Variants in ALK observed in about 807,000 individuals in gnomAD.
ALK encodes the protein ALK tyrosine kinase receptor.
Under a neutral mutation model 163.1 loss-of-function variants are expected in ALK, and 74 were observed. The observed-to-expected ratio is 0.45, with a 90% CI of 0.38 to 0.55. The LOEUF (loss-of-function observed/expected upper bound fraction) is 0.55, where lower values mean the gene tolerates loss of function less well. Among genes scored for constraint, ALK ranks in the 20% least tolerant of loss-of-function variants. The probability of loss-of-function intolerance (pLI) is 0.00; values close to 1 mark genes in which losing one functional copy is unlikely to be tolerated. For synonymous variants in ALK, 960 were observed against 843.2 expected (o/e 1.14, Z -2.40); for missense variants, 2,063 against 2,105.3 (o/e 0.98, Z 0.39).
intron 4 of ALK, among the ~76,000 whole-genome samples, chr2:29,511,309 G>A (rs76604809): frequency 2.0e-5 from 3 of 152,058 alleles, no homozygotes; most frequent in African/African-American, 7.2e-5. Flanking sequence ...TGCTTCCTGG[G>A]GAACCACTGC....
intron 1 of ALK, among the ~76,000 whole-genome samples, chr2:29,730,094 G>T (rs547847296): frequency 8.5e-5 from 13 of 152,318 alleles, no homozygotes; most frequent in African/African-American, 3.1e-4. Flanking sequence ...TGAAATTATG[G>T]CAACTCGGGA....
intron 2 of ALK, among the ~76,000 whole-genome samples, chr2:29,700,721 T>C (rs960282681): frequency 6.6e-6 from 1 of 152,226 alleles, no homozygotes; most frequent in African/African-American, 2.4e-5. Flanking sequence ...ACTGAATTCA[T>C]TAACAATTAG....
At position 29,227,635 on chromosome 2, in the gene ALK, A is replaced by G. The variant is rs201222888; in HGVS notation, c.2853T>C (p.Asp951=). ...NAASNNDPEM[D]GEDGVSFISP... Reference sequence around the variant, plus strand: ...TGATGAAGGAAACCCCATCTTCCCCATCCATTTCGGGGTCATTGTTTGAGG... The same window carrying G: ...TGATGAAGGAAACCCCATCTTCCCCGTCCATTTCGGGGTCATTGTTTGAGG... The change falls in exon 17 of 29, where the codon GAT becomes GAC. Residue 951 remains aspartate (D), a synonymous_variant. Transcript: ENST00000389048. The surrounding 1 kb of genome is among the most constrained non-coding windows in gnomAD (Gnocchi z 4.4). The G allele has an allele frequency of 1.9e-5, 30 of 1,614,032 alleles. No individual in the cohort carries two copies. Among genetic ancestry groups the G allele is most frequent in the Non-Finnish European group, 2.5e-5 (30 of 1,180,030 alleles).
rs117790488 is a variant in ALK, at chr2:29,701,486, G to A, written c.788-6472C>T. On this transcript the variant is annotated intron_variant, in intron 2 of 28. Transcript: ENST00000389048. ...ACCGTGAGCTTTGGAAGCAAATACT[G>A]CAGAATGAAAGGAAGAGTCATAAAA... 1.3e-3 allele frequency among the ~76,000 whole-genome samples: 200 copies of A among 152,264 alleles called. 4 individuals are homozygous for A. In the East Asian group the frequency reaches 0.035, roughly 27 times the overall value.
intron 3 of ALK, among the ~76,000 whole-genome samples, chr2:29,625,573 T>C (rs1676169306): frequency 6.6e-6 from 1 of 152,198 alleles, no homozygotes; most frequent in Non-Finnish European, 1.5e-5. Context: ...ATGTGTCCCT[T>C]AATGAAGGGG....
At chr2:29,915,821 T>C (rs2148440213) in intron 1 of ALK, among the ~76,000 whole-genome samples, 1 of 152,324 alleles carries the variant, frequency 6.6e-6, no homozygotes, top group East Asian at 1.9e-4. Context: ...AATTCTCTGG[T>C]GATTGTGCCT....
At chr2:29,686,139 G>A (rs1020048454) in intron 3 of ALK, among the ~76,000 whole-genome samples, 1 of 152,178 alleles carries the variant, frequency 6.6e-6, no homozygotes, top group Non-Finnish European at 1.5e-5. Context: ...GGGGCATCTT[G>A]TTGGGGGCTG....
chr2:29,541,657 C>A (rs1673416692), intron 3 of ALK, among the ~76,000 whole-genome samples: 1 of 152,164 alleles, frequency 6.6e-6, no homozygotes, highest in South Asian at 2.1e-4. Context: ...TTACCCCAAA[C>A]TATATCTATT....
chr2:29,764,476 C>A (rs1680802069), intron 1 of ALK, among the ~76,000 whole-genome samples: 1 of 152,168 alleles, frequency 6.6e-6, no homozygotes, highest in African/African-American at 2.4e-5. Context: ...AGTTCTTCAA[C>A]ATTTACCGGC....
intron 1 of ALK, among the ~76,000 whole-genome samples, chr2:29,860,781 C>A (rs969863086): frequency 6.6e-6 from 1 of 151,880 alleles, no homozygotes; most frequent in African/African-American, 2.4e-5. Flanking sequence ...ACCAATGAGT[C>A]AAAGAGAAAT....
intron 3 of ALK, among the ~76,000 whole-genome samples, chr2:29,685,999 C>T (rs1193462259): frequency 1.3e-5 from 2 of 152,182 alleles, no homozygotes; most frequent in African/African-American, 4.8e-5. Flanking sequence ...GACACTGACT[C>T]TCCTGCCTCC....
chr2:29,420,903 G>A (rs1359193353), intron 4 of ALK, among the ~76,000 whole-genome samples: 4 of 151,496 alleles, frequency 2.6e-5, no homozygotes, highest in African/African-American at 9.8e-5. Flanking sequence ...ACTTTTGCTC[G>A]ACATAGCTTG....
intron 1 of ALK, among the ~76,000 whole-genome samples, chr2:29,753,993 T>C (rs537147619): frequency 7.9e-5 from 12 of 151,816 alleles, no homozygotes; most frequent in African/African-American, 2.4e-4. Context: ...ATTTGCTCCC[T>C]CTCCCACCGA....
chr2:29,227,441 A>T lies in ALK; in HGVS notation c.2914+133T>A, dbSNP rs1664038762. On this transcript the variant is annotated intron_variant, in intron 17 of 28. Coordinates refer to ENST00000389048, the MANE Select transcript of ALK (RefSeq NM_004304.5). This position sits in a 1 kb window ranked among gnomAD's most constrained non-coding sequence, Gnocchi z 4.4. ...TCTGGAAAATGTGGTGACCTGCGCC[A>T]TAGGAAGCTTGCCTGCCAGGGACCC... 10 of 850,508 alleles carry T rather than the reference A, an allele frequency of 1.2e-5. No individual in the cohort carries two copies. The highest frequency in any genetic ancestry group is 2.0e-5 in the Non-Finnish European group (10 of 489,384). The allele number at this position is 850,508 out of a possible 1,614,324, so 52.7% of individuals were successfully genotyped here.
intron 1 of ALK, among the ~76,000 whole-genome samples, chr2:29,786,589 G>C (rs1238580313): frequency 6.6e-6 from 1 of 152,212 alleles, no homozygotes; most frequent in Admixed American, 6.5e-5. Context: ...AGCACCAATT[G>C]TGTACTGTGC....
At chr2:29,547,484 G>C (rs1293489397) in intron 3 of ALK, among the ~76,000 whole-genome samples, 2 of 152,054 alleles carry the variant, frequency 1.3e-5, no homozygotes, top group African/African-American at 4.8e-5. Flanking sequence ...GTAGTCCTAG[G>C]TACTCAGGAG....
intron 1 of ALK, among the ~76,000 whole-genome samples, chr2:29,886,528 T>C (rs4666286): frequency 0.77 from 117,029 of 152,204 alleles, 45,108 homozygotes; most frequent in East Asian, 0.79. Flanking sequence ...CTCAGGCCTA[T>C]GGCCCCAGCC....
intron 9 of ALK, among the ~76,000 whole-genome samples, chr2:29,289,296 C>T (rs76878673): frequency 0.013 from 1,937 of 152,310 alleles, 41 homozygotes; most frequent in African/African-American, 0.044. Context: ...GCCAGGGACT[C>T]TGCTCCCACG....
At chr2:29,404,856 G>A (rs1669542378) in intron 4 of ALK, among the ~76,000 whole-genome samples, 1 of 152,182 alleles carries the variant, frequency 6.6e-6, no homozygotes, top group African/African-American at 2.4e-5. Flanking sequence ...TTCCAGGTAG[G>A]TATCATGCCA....
Sources: gnomAD v4.1 joint callset for allele counts (sites outside exome capture counted in the v4.1 genomes callset) on GRCh38, gnomAD v4.1.1 for gene constraint, Gnocchi (gnomAD v3.1) non-coding constraint, MANE v1.5 for transcripts, NCBI Gene and HGNC (gene_info 2026-07-23, HGNC 2026-07-21) for gene names.